SH3GL3: variants seen among roughly 807,000 people sequenced by gnomAD.
SH3GL3 encodes the protein SH3 domain containing GRB2 like 3, endophilin A3, also known as endophilin-A3.
In SH3GL3, 33 loss-of-function variants were observed where a neutral mutation model predicts 47.7. The observed-to-expected ratio is 0.69, with a 90% CI of 0.52 to 0.92. SH3GL3 has a LOEUF of 0.92. SH3GL3 is among the 40% of genes least tolerant of loss of function. The pLI is 0.00. For synonymous variants in SH3GL3, 155 were observed against 148.8 expected (o/e 1.04, Z -0.30); for missense variants, 363 against 417.8 (o/e 0.87, Z 1.14).
chr15:83,596,118 CCT>C (rs1333655725), intron 8 of SH3GL3, among the ~76,000 whole-genome samples: 2 of 152,104 alleles, frequency 1.3e-5, no homozygotes, highest in African/African-American at 2.4e-5. Flanking sequence ...CTTTTGATAA[CCT>C]CTTTAACTCT....
intron 8 of SH3GL3, among the ~76,000 whole-genome samples, chr15:83,607,605 G>C (rs1249017064): frequency 6.6e-6 from 1 of 152,176 alleles, no homozygotes; most frequent in Non-Finnish European, 1.5e-5. Context: ...CCCCTTGCCT[G>C]AGAATGTGAG....
intron 1 of SH3GL3, among the ~76,000 whole-genome samples, chr15:83,553,425 G>A (rs1896806): frequency 0.55 from 83,971 of 151,936 alleles, 23,518 homozygotes; most frequent in Non-Finnish European, 0.59. Flanking sequence ...TTATATAGAT[G>A]ATCATTACTG....
intron 8 of SH3GL3, among the ~76,000 whole-genome samples, chr15:83,616,331 C>T (rs1366795291): frequency 6.9e-6 from 1 of 145,310 alleles, no homozygotes; most frequent in African/African-American, 2.6e-5. Context: ...TGGCTCACTG[C>T]AACCTCCGCC....
chr15:83,518,576 C>T (rs2151646040), intron 1 of SH3GL3, among the ~76,000 whole-genome samples: 1 of 152,134 alleles, frequency 6.6e-6, no homozygotes, highest in Middle Eastern at 3.4e-3. Context: ...GCTCATTTTT[C>T]AATGGGGTTA....
intron 8 of SH3GL3, among the ~76,000 whole-genome samples, chr15:83,597,980 C>A (rs1431424842): frequency 6.6e-6 from 1 of 152,036 alleles, no homozygotes; most frequent in Non-Finnish European, 1.5e-5. Flanking sequence ...CTGGAGTCTA[C>A]TTTATGAAGT....
intron 1 of SH3GL3, among the ~76,000 whole-genome samples, chr15:83,547,369 A>G (rs1225201497): frequency 5.9e-5 from 9 of 152,232 alleles, no homozygotes; most frequent in African/African-American, 2.2e-4. Context: ...GTTCCAATGC[A>G]AATTCCCCAA....
intron 1 of SH3GL3, among the ~76,000 whole-genome samples, chr15:83,527,524 A>G (rs1230875725): frequency 6.6e-6 from 1 of 152,156 alleles, no homozygotes; most frequent in African/African-American, 2.4e-5. Context: ...TGACATAAAT[A>G]TAGCCATTCC....
At chr15:83,456,213 G>A (rs1174097181) in intron 1 of SH3GL3, among the ~76,000 whole-genome samples, 4 of 31,058 alleles carry the variant, frequency 1.3e-4, no homozygotes, top group African/African-American at 4.6e-4. Flanking sequence ...TCTCTTCAAA[G>A]CTGTCAGACA....
At chr15:83,568,936 G>C (rs1186898659) in intron 4 of SH3GL3, among the ~76,000 whole-genome samples, 1 of 135,662 alleles carries the variant, frequency 7.4e-6, no homozygotes, top group African/African-American at 2.8e-5. Context: ...CAAAGTCTAT[G>C]CCCAGGCTGG....
intron 1 of SH3GL3, among the ~76,000 whole-genome samples, chr15:83,517,956 G>A (rs949546624): frequency 2.6e-5 from 4 of 151,966 alleles, no homozygotes; most frequent in African/African-American, 9.7e-5. Flanking sequence ...TTGTGTCCAC[G>A]AGTACCCAGT....
At chr15:83,568,768 T>C (rs1341474346) in intron 4 of SH3GL3, 96 bp downstream of exon 4, 1 of 857,292 alleles carries the variant, frequency 1.2e-6, no homozygotes, top group African/African-American at 1.7e-5. Flanking sequence ...CTTTGTTATT[T>C]TTCCATATTA....
chr15:83,457,578 A>C (rs1249284658), intron 1 of SH3GL3, among the ~76,000 whole-genome samples: 1 of 152,340 alleles, frequency 6.6e-6, no homozygotes, highest in East Asian at 1.9e-4. Flanking sequence ...GTAAATCATG[A>C]GATTCTCTAG....
intron 1 of SH3GL3, among the ~76,000 whole-genome samples, chr15:83,502,554 G>T (rs979003066): frequency 6.6e-6 from 1 of 152,120 alleles, no homozygotes; most frequent in Non-Finnish European, 1.5e-5. Context: ...AAATGAATGG[G>T]CCTGGGGTTT....
intron 8 of SH3GL3, among the ~76,000 whole-genome samples, chr15:83,604,059 C>T (rs1033178073): frequency 2.2e-4 from 33 of 151,912 alleles, no homozygotes; most frequent in Non-Finnish European, 3.8e-4. Flanking sequence ...CCTTGAAACC[C>T]GGGAGGCAGA....
the SH3GL3 span, among the ~76,000 whole-genome samples, chr15:83,627,067 T>C: frequency 6.6e-6 from 1 of 152,162 alleles, no homozygotes; most frequent in Non-Finnish European, 1.5e-5. Context: ...GATTATAGCT[T>C]TACCTATAGA....
At chr15:83,608,989 A>G (rs1482732710) in intron 8 of SH3GL3, among the ~76,000 whole-genome samples, 2 of 152,096 alleles carry the variant, frequency 1.3e-5, no homozygotes, top group Admixed American at 1.3e-4. Context: ...CCAGGAAGTG[A>G]GCGGAATATA....
chr15:83,490,910 A>G, intron 1 of SH3GL3: 1 of 1,614,104 alleles, frequency 6.2e-7, no homozygotes, highest in Non-Finnish European at 8.5e-7. Flanking sequence ...CAGGTAATAA[A>G]TGGGAAAATG....
chr15:83,463,446 C>T (rs2040404397), intron 1 of SH3GL3, among the ~76,000 whole-genome samples: 1 of 152,140 alleles, frequency 6.6e-6, no homozygotes, highest in Admixed American at 6.5e-5. Flanking sequence ...GTATCTGTGG[C>T]TTTACTATAG....
At chr15:83,629,070 A>C in the SH3GL3 span, among the ~76,000 whole-genome samples, 1 of 152,322 alleles carries the variant, frequency 6.6e-6, no homozygotes, top group Admixed American at 6.5e-5. Context: ...TTTATACTGA[A>C]AACTACAAAA....
Sources: allele counts gnomAD v4.1 joint callset (sites outside exome capture counted in the v4.1 genomes callset), GRCh38; gene constraint gnomAD v4.1.1; transcripts MANE v1.5; gene names NCBI Gene and HGNC (gene_info 2026-07-23, HGNC 2026-07-21).